CADM2: variants seen among roughly 807,000 people sequenced by gnomAD.
The protein encoded by CADM2 is cell adhesion molecule 2.
A neutral mutation model predicts 49.8 loss-of-function variants in CADM2; 12 were observed. The observed-to-expected ratio is 0.24, with a 90% CI of 0.15 to 0.39. The LOEUF is 0.39. Ranked by LOEUF, CADM2 falls within the 10% of genes least tolerant of loss-of-function variation. CADM2 has a pLI of 1.00. For missense variants in CADM2, 378 were observed against 492.3 expected, an observed-to-expected ratio of 0.77 and a Z score of 2.20; for synonymous variants, 214 against 175.4, an observed-to-expected ratio of 1.22 and a Z score of -1.74.
chr3:85,680,684 G>T (rs2066015157), intron 1 of CADM2, among the ~76,000 whole-genome samples: 1 of 152,078 alleles, frequency 6.6e-6, no homozygotes, highest in Non-Finnish European at 1.5e-5. Flanking sequence ...TTTGCTTTGG[G>T]CAATATTTAA....
intron 1 of CADM2, among the ~76,000 whole-genome samples, chr3:85,663,824 A>G (rs7629690): frequency 0.32 from 48,927 of 151,832 alleles, 8,749 homozygotes; most frequent in African/African-American, 0.48. Flanking sequence ...AAGATCCTCA[A>G]AAGAGTGGTT....
chr3:85,558,921 A>G (rs939474710), intron 1 of CADM2, among the ~76,000 whole-genome samples: 2 of 152,070 alleles, frequency 1.3e-5, no homozygotes, highest in Admixed American at 6.5e-5. Context: ...CCAAAAACGG[A>G]TTTTCTTCAA....
intron 6 of CADM2, among the ~76,000 whole-genome samples, chr3:85,918,548 C>T (rs964774830): frequency 1.3e-4 from 20 of 152,058 alleles, no homozygotes; most frequent in Non-Finnish European, 8.8e-5. Flanking sequence ...TTGCTGGATT[C>T]GGTTTGCCAG....
intron 8 of CADM2, among the ~76,000 whole-genome samples, chr3:85,973,218 C>G (rs994829462): frequency 1.3e-5 from 2 of 151,624 alleles, no homozygotes; most frequent in Non-Finnish European, 2.9e-5. Flanking sequence ...AAGCACCTGT[C>G]ATTTCTAGAA....
chr3:85,529,752 G>A (rs1421940492), intron 1 of CADM2, among the ~76,000 whole-genome samples: 3 of 151,836 alleles, frequency 2.0e-5, no homozygotes, highest in Non-Finnish European at 2.9e-5. Context: ...TCCACTATCC[G>A]GGCCTCTGGG....
chr3:85,838,402 T>C (rs1209172752), intron 3 of CADM2, among the ~76,000 whole-genome samples: 1 of 151,822 alleles, frequency 6.6e-6, no homozygotes, highest in Admixed American at 6.6e-5. Flanking sequence ...AAGCCGAGAT[T>C]GGAGCTCTTC....
intron 3 of CADM2, among the ~76,000 whole-genome samples, chr3:85,870,833 T>C (rs2075900147): frequency 6.6e-6 from 1 of 152,192 alleles, no homozygotes; most frequent in South Asian, 2.1e-4. Context: ...CACATTGCTT[T>C]GCACAATGAT....
intron 1 of CADM2, among the ~76,000 whole-genome samples, chr3:85,162,420 G>C (rs921746731): frequency 1.3e-5 from 2 of 151,988 alleles, no homozygotes; most frequent in African/African-American, 4.8e-5. Context: ...AAAATTTTTG[G>C]TAGGTTTGGA....
intron 1 of CADM2, among the ~76,000 whole-genome samples, chr3:85,094,500 G>A (rs1165682457): frequency 6.6e-6 from 1 of 152,048 alleles, no homozygotes; most frequent in Non-Finnish European, 1.5e-5. Context: ...AAGTTGCTGT[G>A]GTTTATTGCA....
intron 1 of CADM2, among the ~76,000 whole-genome samples, chr3:85,440,016 A>G (rs1285173459): frequency 6.6e-6 from 1 of 152,208 alleles, no homozygotes; most frequent in African/African-American, 2.4e-5. Context: ...AGAATTGCAT[A>G]CATGCAATAT....
intron 7 of CADM2, among the ~76,000 whole-genome samples, chr3:85,955,540 G>A (rs1049468743): frequency 1.3e-5 from 2 of 151,292 alleles, no homozygotes; most frequent in Non-Finnish European, 3.0e-5. Flanking sequence ...CAGTACCTAG[G>A]GAGTGAATAA....
intron 1 of CADM2, among the ~76,000 whole-genome samples, chr3:85,097,778 T>A (rs958206738): frequency 6.6e-6 from 1 of 152,200 alleles, no homozygotes; most frequent in Non-Finnish European, 1.5e-5. Flanking sequence ...ATGAGAAAAA[T>A]AATCTTCAAG....
intron 1 of CADM2, among the ~76,000 whole-genome samples, chr3:85,716,118 A>G (rs1577148987): frequency 6.6e-6 from 1 of 152,328 alleles, no homozygotes; most frequent in East Asian, 1.9e-4. Context: ...TTACACTCCC[A>G]TCAACAGTGT....
chr3:85,499,137 G>T (rs1423623451), intron 1 of CADM2, among the ~76,000 whole-genome samples: 4 of 151,878 alleles, frequency 2.6e-5, no homozygotes, highest in Admixed American at 2.0e-4. Flanking sequence ...CTATAATCAG[G>T]ACTCCTAACA....
intron 1 of CADM2, among the ~76,000 whole-genome samples, chr3:85,456,331 C>T (rs1181610898): frequency 6.6e-6 from 1 of 152,052 alleles, no homozygotes; most frequent in Non-Finnish European, 1.5e-5. Flanking sequence ...ACTTGAATCA[C>T]TACAAAGTTA....
chr3:85,695,739 T>C (rs1216455869), intron 1 of CADM2, among the ~76,000 whole-genome samples: 5 of 152,126 alleles, frequency 3.3e-5, no homozygotes, highest in Non-Finnish European at 4.4e-5. Flanking sequence ...AGTGTCTTTT[T>C]GATGTAATGA....
intron 8 of CADM2, among the ~76,000 whole-genome samples, chr3:86,016,574 T>C (rs1229577352): frequency 6.6e-6 from 1 of 152,160 alleles, no homozygotes; most frequent in African/African-American, 2.4e-5. Context: ...CTAGCACAAA[T>C]TTTGTTAATC....
At chr3:85,435,469 A>G (rs1027151643) in intron 1 of CADM2, among the ~76,000 whole-genome samples, 1 of 152,162 alleles carries the variant, frequency 6.6e-6, no homozygotes, top group African/African-American at 2.4e-5. Context: ...TAGTGCTGCA[A>G]TAAACATATG....
intron 1 of CADM2, among the ~76,000 whole-genome samples, chr3:85,502,296 C>T (rs771983011): frequency 7.2e-5 from 11 of 151,990 alleles, no homozygotes; most frequent in Non-Finnish European, 1.5e-4. Context: ...CTGTAGATTT[C>T]AGGTCTTGCA....
Sources: gnomAD v4.1 joint callset for allele counts (sites outside exome capture counted in the v4.1 genomes callset) on GRCh38, gnomAD v4.1.1 for gene constraint, MANE v1.5 for transcripts, NCBI Gene and HGNC (gene_info 2026-07-23, HGNC 2026-07-21) for gene names.